The following GLI2 variants were observed in gnomAD, a reference collection of about 807,000 sequenced individuals.
The protein encoded by GLI2 is transcription activator GLI2.
GLI2 carries 22 observed loss-of-function variants against 78.9 expected under a neutral mutation model. That is an observed-to-expected ratio of 0.28 (90% CI 0.20 to 0.40). The LOEUF (loss-of-function observed/expected upper bound fraction) is 0.40. Among genes scored for constraint, GLI2 ranks in the 10% least tolerant of loss-of-function variants. The probability of loss-of-function intolerance (pLI) is 1.00; values close to 1 mark genes in which losing one functional copy is unlikely to be tolerated. For missense variants in GLI2, 2,097 were observed against 2,213.2 expected (o/e 0.95, Z 1.05); for synonymous variants, 974 against 963.7 (o/e 1.01, Z -0.20).
intron 5 of GLI2, among the ~76,000 whole-genome samples, chr2:120,962,696 C>G (rs1189109647): frequency 2.0e-5 from 3 of 152,150 alleles, no homozygotes; most frequent in East Asian, 1.9e-4. Context: ...GCTTTTCTTT[C>G]TATTTAGTAA....
chr2:120,902,815 TG>T (rs1438578078), intron 2 of GLI2, among the ~76,000 whole-genome samples: 1 of 152,194 alleles, frequency 6.6e-6, no homozygotes, highest in Non-Finnish European at 1.5e-5. Context: ...TCAAAGGAAA[TG>T]CTTAATTAGT....
At chr2:120,957,157 G>A (rs1301093202) in intron 5 of GLI2, among the ~76,000 whole-genome samples, 1 of 152,216 alleles carries the variant, frequency 6.6e-6, no homozygotes, top group African/African-American at 2.4e-5. Context: ...GCCCCTCATG[G>A]ATATGGTCCT....
intron 2 of GLI2, among the ~76,000 whole-genome samples, chr2:120,829,209 G>A (rs1025407565): frequency 6.6e-6 from 1 of 152,118 alleles, no homozygotes; most frequent in African/African-American, 2.4e-5. Flanking sequence ...GCATGCACAC[G>A]CCTGCACTCA....
Position 120,989,385 on chromosome 2 carries a change from G to A in GLI2, c.3420G>A (p.Leu1140=). The A allele has an allele frequency of 6.2e-7, 1 of 1,613,004 alleles. No homozygotes were observed. Among genetic ancestry groups the A allele is most frequent in the South Asian group, 1.1e-5 (1 of 91,090 alleles). The change falls in exon 14 of 14, where the codon CTG becomes CTA. Residue 1140 remains leucine, a synonymous_variant. Transcript: ENST00000361492. ...TGAGCTCCGGCACCGTAGACGCCCTGGCCAGCCAGGTGAAGCCTCCACCCT... is the reference window on the plus strand; with the variant it reads ...TGAGCTCCGGCACCGTAGACGCCCTAGCCAGCCAGGTGAAGCCTCCACCCT... The part of the protein sequence containing the change: ...NEVSSGTVDA[L]ASQVKPPPFP...
chr2:120,942,754 A>G (rs1439682461), intron 3 of GLI2, among the ~76,000 whole-genome samples: 1 of 152,206 alleles, frequency 6.6e-6, no homozygotes, highest in Non-Finnish European at 1.5e-5. Flanking sequence ...TGTCTTCTGC[A>G]GTAGTGTCTG....
At chr2:120,795,317 T>A in intron 1 of GLI2, among the ~76,000 whole-genome samples, 1 of 150,646 alleles carries the variant, frequency 6.6e-6, no homozygotes, top group East Asian at 2.0e-4. Flanking sequence ...AGGTCAGGAG[T>A]TCAAGACCAG....
chr2:120,773,025 A>G (rs1379195579), intron 1 of GLI2, among the ~76,000 whole-genome samples: 3 of 152,092 alleles, frequency 2.0e-5, no homozygotes, highest in South Asian at 4.2e-4. Context: ...CTGATATCCC[A>G]TTGTGTGGAC....
At chr2:120,961,495 C>T (rs939519480) in intron 5 of GLI2, among the ~76,000 whole-genome samples, 6 of 152,170 alleles carry the variant, frequency 3.9e-5, no homozygotes, top group Non-Finnish European at 8.8e-5. Context: ...ACAGACTGTC[C>T]CGCCACACCA....
chr2:120,836,548 CCT>C (rs1473832940), intron 2 of GLI2, among the ~76,000 whole-genome samples: 1 of 152,164 alleles, frequency 6.6e-6, no homozygotes, highest in Non-Finnish European at 1.5e-5. Context: ...CACACCTCCC[CCT>C]GTGTCCCTGT....
At chr2:120,956,387 G>A (rs1365934163) in intron 5 of GLI2, among the ~76,000 whole-genome samples, 2 of 152,058 alleles carry the variant, frequency 1.3e-5, no homozygotes, top group Non-Finnish European at 2.9e-5. Context: ...TGTTAGACAC[G>A]AAGTCCTTCC....
chr2:120,891,414 G>A (rs1307908803), intron 2 of GLI2, among the ~76,000 whole-genome samples: 2 of 152,134 alleles, frequency 1.3e-5, no homozygotes, highest in Non-Finnish European at 2.9e-5. Flanking sequence ...TCCATGAAAT[G>A]AAGGCAAAAA....
At chr2:120,945,893 G>A (rs776272604) in intron 3 of GLI2, among the ~76,000 whole-genome samples, 9 of 151,402 alleles carry the variant, frequency 5.9e-5, no homozygotes, top group Non-Finnish European at 1.0e-4. Flanking sequence ...AAGGAAGTGG[G>A]TTCAATATAG....
intron 2 of GLI2, among the ~76,000 whole-genome samples, chr2:120,895,267 T>C (rs946557323): frequency 1.6e-4 from 25 of 152,192 alleles, no homozygotes; most frequent in African/African-American, 6.0e-4. Flanking sequence ...TGAACTTGGC[T>C]GTAAGTATGG....
chr2:120,988,080 G>T, intron 13 of GLI2, 128 bp from the exon 14 acceptor site: 1 of 726,520 alleles, frequency 1.4e-6, no homozygotes, highest in Non-Finnish European at 2.2e-6. Flanking sequence ...AAGAAAGCAT[G>T]CATCTCCTGA....
intron 2 of GLI2, among the ~76,000 whole-genome samples, chr2:120,887,419 G>A (rs903146454): frequency 2.6e-5 from 4 of 152,214 alleles, no homozygotes; most frequent in East Asian, 1.9e-4. Flanking sequence ...GCTGGGCTGC[G>A]TGTTGGATTT....
chr2:120,927,055 A>T (rs1455964225), intron 2 of GLI2, among the ~76,000 whole-genome samples: 1 of 152,126 alleles, frequency 6.6e-6, no homozygotes, highest in African/African-American at 2.4e-5. Flanking sequence ...GTCAGCCCTG[A>T]TTTGCGGGCT....
At chr2:120,839,117 A>C (rs920664423) in intron 2 of GLI2, among the ~76,000 whole-genome samples, 4 of 152,218 alleles carry the variant, frequency 2.6e-5, no homozygotes, top group Non-Finnish European at 4.4e-5. Context: ...AATTAACCTC[A>C]TAACATGTCC....
At chr2:120,978,649 T>C in intron 10 of GLI2, 66 bp downstream of exon 10, 1 of 1,566,664 alleles carries the variant, frequency 6.4e-7, no homozygotes. Flanking sequence ...GCCGGGGGGA[T>C]CATGTTTGGA....
chr2:120,883,103 T>G lies in GLI2; in HGVS notation c.149-44258T>G, dbSNP rs72835595. 8.7e-3 allele frequency among the ~76,000 whole-genome samples: 1,332 copies of G among 152,306 alleles called. 9 individuals are homozygous for G. Among genetic ancestry groups the G allele is most frequent in the Non-Finnish European group, 0.013 (890 of 68,032 alleles). On this transcript the variant is annotated intron_variant, in intron 2 of 13. Transcript: ENST00000361492. ...TCATAAAGTATGTTTAGCTGGGGCT[T>G]TTGAGAGAGAAGTAATAGGTTCCTT...
Sources: gnomAD v4.1 joint callset for allele counts (sites outside exome capture counted in the v4.1 genomes callset) on GRCh38, gnomAD v4.1.1 for gene constraint, MANE v1.5 for transcripts, NCBI Gene and HGNC (gene_info 2026-07-23, HGNC 2026-07-21) for gene names.